CTNNA2: variants seen among roughly 807,000 people sequenced by gnomAD.
The protein encoded by CTNNA2 is catenin alpha-2.
A neutral mutation model predicts 101.0 loss-of-function variants in CTNNA2; 42 were observed. That is an observed-to-expected ratio of 0.42 (90% CI 0.32 to 0.54). CTNNA2 has a LOEUF of 0.54. Ranked by LOEUF, CTNNA2 falls within the 20% of genes least tolerant of loss-of-function variation. The probability of loss-of-function intolerance (pLI) is 0.14; values close to 1 mark genes in which losing one functional copy is unlikely to be tolerated. For synonymous variants in CTNNA2, 450 were observed against 456.4 expected (o/e 0.99, Z 0.18); for missense variants, 871 against 1,223.1 (o/e 0.71, Z 4.29).
chr2:80,126,435 A>T lies in CTNNA2; in HGVS notation c.1056+216638A>T, dbSNP rs571323567. Among the ~76,000 whole-genome samples, 5 of 149,512 alleles carry T rather than the reference A, an allele frequency of 3.3e-5. No homozygotes were observed. The East Asian group carries it at 1.0e-3, about 30-fold the overall frequency. On this transcript the variant is annotated intron_variant, in intron 7 of 18. Coordinates refer to ENST00000402739, the MANE Select transcript of CTNNA2 (RefSeq NM_001282597.3). Reference sequence around the variant, plus strand: ...CATCTTCTGCTTCTCTTTGCTCTAAATCTCTTACCTCCAACTCCTACCATT... The same window carrying T: ...CATCTTCTGCTTCTCTTTGCTCTAATTCTCTTACCTCCAACTCCTACCATT...
chr2:79,229,205 T>C (rs1674458734), intron 2 of CTNNA2, among the ~76,000 whole-genome samples: 1 of 152,188 alleles, frequency 6.6e-6, no homozygotes, highest in African/African-American at 2.4e-5. Context: ...CCTCTGGCTT[T>C]TTACTTTTTG....
At chr2:79,545,794 T>C (rs1269912494) in intron 1 of CTNNA2, among the ~76,000 whole-genome samples, 3 of 152,182 alleles carry the variant, frequency 2.0e-5, no homozygotes, top group Non-Finnish European at 2.9e-5. Flanking sequence ...ATGCTCATAA[T>C]ATAAGTACTC....
At chr2:79,242,791 G>A (rs573838343) in intron 2 of CTNNA2, among the ~76,000 whole-genome samples, 1 of 151,936 alleles carries the variant, frequency 6.6e-6, no homozygotes, top group East Asian at 2.0e-4. Flanking sequence ...AACATAGGGA[G>A]ACTCCATCTC....
At chr2:79,576,889 TA>T (rs1385945593) in intron 1 of CTNNA2, among the ~76,000 whole-genome samples, 1 of 152,190 alleles carries the variant, frequency 6.6e-6, no homozygotes, top group East Asian at 1.9e-4. Flanking sequence ...AAAGGCCTAC[TA>T]AAAACTATTC....
chr2:79,472,673 C>T (rs1263095722), intron 4 of CTNNA2, among the ~76,000 whole-genome samples: 1 of 152,256 alleles, frequency 6.6e-6, no homozygotes, highest in East Asian at 1.9e-4. Context: ...CCTTATCAAA[C>T]TGTCAATTGG....
At chr2:79,359,540 G>T (rs961476344) in intron 3 of CTNNA2, among the ~76,000 whole-genome samples, 1 of 152,050 alleles carries the variant, frequency 6.6e-6, no homozygotes, top group Non-Finnish European at 1.5e-5. Flanking sequence ...TAGATCAACC[G>T]GGTTAATAGC....
At chr2:80,333,012 T>A (rs1671471324) in intron 7 of CTNNA2, among the ~76,000 whole-genome samples, 1 of 152,244 alleles carries the variant, frequency 6.6e-6, no homozygotes, top group Non-Finnish European at 1.5e-5. Flanking sequence ...AAAGTTTCGT[T>A]GGAACACAGC....
Position 80,616,805 on chromosome 2 carries a change from T to G in CTNNA2, c.2431-2280T>G, listed in dbSNP as rs370409433. On this transcript the variant is annotated intron_variant, in intron 17 of 18. Coordinates refer to ENST00000402739, the MANE Select transcript of CTNNA2 (RefSeq NM_001282597.3). ...GCATCCTGTATCAAAGGCAGTTTTA[T>G]TATTTTAACTAATATCATATATAAA... Among the ~76,000 whole-genome samples the G allele has an allele frequency of 1.6e-4, 25 of 151,808 alleles. No individual in the cohort carries two copies. The South Asian group carries it at 4.8e-3, about 29-fold the overall frequency.
At chr2:80,502,554 AATT>A (rs1687958982) in intron 9 of CTNNA2, among the ~76,000 whole-genome samples, 1 of 152,094 alleles carries the variant, frequency 6.6e-6, no homozygotes, top group Admixed American at 6.6e-5. Flanking sequence ...CCTGACCTAC[AATT>A]ATTATTTTGT....
intron 9 of CTNNA2, among the ~76,000 whole-genome samples, chr2:80,424,115 C>G (rs1193838542): frequency 1.3e-5 from 2 of 152,090 alleles, no homozygotes; most frequent in African/African-American, 4.8e-5. Context: ...GCCAGCAGGC[C>G]CAGCTAATTT....
intron 1 of CTNNA2, among the ~76,000 whole-genome samples, chr2:79,596,486 A>G (rs1677198093): frequency 6.6e-6 from 1 of 152,178 alleles, no homozygotes; most frequent in South Asian, 2.1e-4. Context: ...AAAGGAAAAA[A>G]GAATATAAAT....
chr2:80,507,822 G>T (rs1404156258), intron 9 of CTNNA2, among the ~76,000 whole-genome samples: 1 of 152,112 alleles, frequency 6.6e-6, no homozygotes, highest in Non-Finnish European at 1.5e-5. Flanking sequence ...TGGGCTAAGG[G>T]TTATGAAGAT....
chr2:79,552,407 C>T (rs1364822211), intron 1 of CTNNA2, among the ~76,000 whole-genome samples: 1 of 152,142 alleles, frequency 6.6e-6, no homozygotes, highest in Admixed American at 6.5e-5. Context: ...GCAGCTATTC[C>T]AGGCACATGG....
At chr2:79,461,601 A>G (rs1458832702) in intron 4 of CTNNA2, among the ~76,000 whole-genome samples, 1 of 152,138 alleles carries the variant, frequency 6.6e-6, no homozygotes, top group Admixed American at 6.5e-5. Flanking sequence ...CATTTAACCA[A>G]GAGCTGGGCA....
At position 80,455,506 on chromosome 2, in the gene CTNNA2, C is replaced by T. The variant is rs968620346; in HGVS notation, c.1290+35905C>T. On this transcript the variant is annotated intron_variant, in intron 9 of 18. Coordinates refer to ENST00000402739, the MANE Select transcript of CTNNA2 (RefSeq NM_001282597.3). ...TGTGAGACTGACATTAGGGTCTCCA[C>T]GGCATTAGGTCTCCGTGAAGTTGCG... Among the ~76,000 whole-genome samples, 7 of 152,158 alleles carry T rather than the reference C, an allele frequency of 4.6e-5. No individual in the cohort carries two copies. The South Asian group carries it at 6.2e-4, about 13-fold the overall frequency.
At chr2:80,046,222 G>A (rs1482787281) in intron 7 of CTNNA2, among the ~76,000 whole-genome samples, 1 of 152,168 alleles carries the variant, frequency 6.6e-6, no homozygotes, top group Non-Finnish European at 1.5e-5. Context: ...AGTGTGCCAT[G>A]CCTCTCCTGA....
chr2:80,320,002 A>C (rs941861009), intron 7 of CTNNA2, among the ~76,000 whole-genome samples: 1 of 152,162 alleles, frequency 6.6e-6, no homozygotes, highest in Non-Finnish European at 1.5e-5. Context: ...TAAGAATGTC[A>C]GAGAATAATC....
intron 7 of CTNNA2, among the ~76,000 whole-genome samples, chr2:80,160,505 A>G (rs991703299): frequency 1.3e-5 from 2 of 152,110 alleles, no homozygotes; most frequent in Non-Finnish European, 2.9e-5. Context: ...AATTCTGTGT[A>G]TGTTTTATTG....
chr2:79,948,765 G>C (rs955315556), intron 7 of CTNNA2, among the ~76,000 whole-genome samples: 1 of 152,094 alleles, frequency 6.6e-6, no homozygotes, highest in Admixed American at 6.5e-5. Context: ...CCAGGAGATG[G>C]ACACCATCCT....
Sources: allele counts gnomAD v4.1 joint callset (sites outside exome capture counted in the v4.1 genomes callset), GRCh38; gene constraint gnomAD v4.1.1; transcripts MANE v1.5; gene names NCBI Gene and HGNC (gene_info 2026-07-23, HGNC 2026-07-21).